Variants in PDE1A observed in about 807,000 individuals in gnomAD.
PDE1A encodes the protein phosphodiesterase 1A.
Under a neutral mutation model 61.7 loss-of-function variants are expected in PDE1A, and 35 were observed. That is an observed-to-expected ratio of 0.57 (90% CI 0.43 to 0.75). PDE1A has a LOEUF of 0.75. PDE1A is among the 30% of genes least tolerant of loss of function. PDE1A has a pLI of 0.00. For missense variants in PDE1A, 597 were observed against 630.6 expected (o/e 0.95, Z 0.57); for synonymous variants, 232 against 213.2 (o/e 1.09, Z -0.77).
chr2:182,686,814 T>C, the PDE1A span, among the ~76,000 whole-genome samples: 1 of 152,180 alleles, frequency 6.6e-6, no homozygotes, highest in Non-Finnish European at 1.5e-5. Context: ...ACCTGGAAAA[T>C]TGGGTCACTC....
At chr2:182,623,133 T>C in the PDE1A span, among the ~76,000 whole-genome samples, 1 of 152,102 alleles carries the variant, frequency 6.6e-6, no homozygotes, top group Non-Finnish European at 1.5e-5. Flanking sequence ...TGTAAATGCT[T>C]TGGGGCCTGG....
chr2:182,194,913 AC>A (rs1686013025), intron 10 of PDE1A, among the ~76,000 whole-genome samples: 1 of 149,428 alleles, frequency 6.7e-6, no homozygotes, highest in Non-Finnish European at 1.5e-5. Context: ...ACACACACAC[AC>A]ACACGAACCT....
intron 1 of PDE1A, among the ~76,000 whole-genome samples, chr2:182,386,683 G>A (rs1340394528): frequency 1.4e-4 from 21 of 151,364 alleles, no homozygotes; most frequent in East Asian, 4.0e-4. Flanking sequence ...GAGCCCCTCC[G>A]CCCGGCAGCT....
At chr2:182,435,154 A>T (rs916298144) in intron 2 of PDE1A, among the ~76,000 whole-genome samples, 1 of 151,990 alleles carries the variant, frequency 6.6e-6, no homozygotes, top group African/African-American at 2.4e-5. Context: ...AACATCATCA[A>T]CAACAACAAC....
At chr2:182,602,543 G>A in the PDE1A span, among the ~76,000 whole-genome samples, 1 of 152,186 alleles carries the variant, frequency 6.6e-6, no homozygotes. Context: ...TTTCTTGGGT[G>A]GTTTCTCATG....
rs1188867398 is a variant in PDE1A at position 182,157,019 on chromosome 2, AT to A, written c.1517-9868del. Among the ~76,000 whole-genome samples the A allele has an allele frequency of 1.2e-3, 149 of 120,496 alleles. 1 individual carries two copies. Among genetic ancestry groups the A allele is most frequent in the South Asian group, 9.4e-3 (42 of 4,486 alleles). 79.1% of individuals were successfully genotyped at this position (120,496 alleles called of 152,430 possible). A position where few individuals can be genotyped will look rare whatever the true frequency, so the allele number is the denominator to read the frequency against. The stretch of plus-strand genomic sequence containing the variant: ...TTATTATTTTATTTTATTTTATTTT[AT>A]TTTTTTTTTTTTGAGACAGAGTCTT... On this transcript the variant is annotated intron_variant, in intron 13 of 13. Coordinates refer to the PDE1A transcript ENST00000409365.
At chr2:182,480,412 C>T (rs1160030728) in intron 2 of PDE1A, among the ~76,000 whole-genome samples, 1 of 151,914 alleles carries the variant, frequency 6.6e-6, no homozygotes, top group Non-Finnish European at 1.5e-5. Flanking sequence ...CCTTGAAAGG[C>T]TTTCTGAAAA....
At chr2:182,416,935 G>T (rs1702952186) in intron 1 of PDE1A, among the ~76,000 whole-genome samples, 1 of 152,164 alleles carries the variant, frequency 6.6e-6, no homozygotes, top group South Asian at 2.1e-4. Context: ...CAGGGGAATG[G>T]TGACCTACGA....
the PDE1A span, among the ~76,000 whole-genome samples, chr2:182,664,329 A>C: frequency 2.0e-5 from 3 of 152,172 alleles, no homozygotes; most frequent in Non-Finnish European, 2.9e-5. Context: ...TTACTTGCAA[A>C]ACATTTGGAT....
chr2:182,178,299 C>T (rs543007641), intron 13 of PDE1A, among the ~76,000 whole-genome samples: 13 of 152,116 alleles, frequency 8.5e-5, no homozygotes, highest in Non-Finnish European at 1.8e-4. Flanking sequence ...TTCTCACTCC[C>T]TGGACATGGA....
chr2:182,539,315 G>A, the PDE1A span, among the ~76,000 whole-genome samples: 2 of 152,122 alleles, frequency 1.3e-5, no homozygotes, highest in Admixed American at 1.3e-4. Flanking sequence ...ACAAATCCTT[G>A]GGAGCTTTCA....
chr2:182,614,414 ACT>A, the PDE1A span, among the ~76,000 whole-genome samples: 4 of 151,614 alleles, frequency 2.6e-5, no homozygotes, highest in South Asian at 2.1e-4. Flanking sequence ...GTCCATATAA[ACT>A]CTATAAATTT....
chr2:182,406,087 T>C (rs1423196712), intron 1 of PDE1A, among the ~76,000 whole-genome samples: 1 of 152,076 alleles, frequency 6.6e-6, no homozygotes, highest in Non-Finnish European at 1.5e-5. Flanking sequence ...GCTTAGAATA[T>C]TTTGAGCATG....
chr2:182,418,156 T>A (rs1319609369), intron 1 of PDE1A, among the ~76,000 whole-genome samples: 1 of 152,292 alleles, frequency 6.6e-6, no homozygotes, highest in South Asian at 2.1e-4. Flanking sequence ...CCTTTCCCTG[T>A]CATAGTTTTA....
intron 4 of PDE1A, among the ~76,000 whole-genome samples, chr2:182,231,802 C>G (rs1279877523): frequency 6.6e-6 from 1 of 151,974 alleles, no homozygotes; most frequent in East Asian, 1.9e-4. Context: ...GTAATCCCAG[C>G]TAATCAGGAG....
At chr2:182,347,311 G>A (rs375829679) in intron 1 of PDE1A, among the ~76,000 whole-genome samples, 2 of 152,192 alleles carry the variant, frequency 1.3e-5, no homozygotes, top group African/African-American at 4.8e-5. Flanking sequence ...TGAAGAAAGC[G>A]ATTTTCCTAA....
In PDE1A at chr2:182,492,312, C is replaced by T. The variant is rs141085804; in HGVS notation, c.101+29964G>A. Among the ~76,000 whole-genome samples, 904 of 152,168 alleles carry T rather than the reference C, an allele frequency of 5.9e-3. 9 individuals carry two copies. The highest frequency in any genetic ancestry group is 0.021 in the African/African-American group (874 of 41,532). Reference sequence around the variant, plus strand: ...ACTCTCATACTAGCTTTTAAGTGCTCGACTTCTTAAGGTTTACAACTATAT... The same window carrying T: ...ACTCTCATACTAGCTTTTAAGTGCTTGACTTCTTAAGGTTTACAACTATAT... On this transcript the variant is annotated intron_variant, in intron 2 of 14. Transcript: ENST00000410103.
intron 1 of PDE1A, among the ~76,000 whole-genome samples, chr2:182,353,181 T>C (rs1308754565): frequency 6.6e-6 from 1 of 152,202 alleles, no homozygotes; most frequent in Non-Finnish European, 1.5e-5. Flanking sequence ...TGAAATTATG[T>C]TCTGTTTCGT....
At chr2:182,374,734 T>G (rs573489696) in intron 1 of PDE1A, among the ~76,000 whole-genome samples, 1 of 152,230 alleles carries the variant, frequency 6.6e-6, no homozygotes, top group African/African-American at 2.4e-5. Context: ...AATATCACTA[T>G]AGCCAAAAGG....
Sources: gnomAD v4.1 joint callset for allele counts (sites outside exome capture counted in the v4.1 genomes callset) on GRCh38, gnomAD v4.1.1 for gene constraint, MANE v1.5 for transcripts, NCBI Gene and HGNC (gene_info 2026-07-23, HGNC 2026-07-21) for gene names.